The following DCDC2 variants were observed in gnomAD, a reference collection of about 807,000 sequenced individuals.
DCDC2 encodes doublecortin domain containing 2.
In DCDC2, 40 loss-of-function variants were observed where a neutral mutation model predicts 50.2. That is an observed-to-expected ratio of 0.80 (90% CI 0.62 to 1.04). DCDC2 has a LOEUF of 1.04. Among genes scored for constraint, DCDC2 ranks in the 50% least tolerant of loss-of-function variants. DCDC2 has a pLI of 0.00. For missense variants in DCDC2, 570 were observed against 581.9 expected (o/e 0.98, Z 0.21); for synonymous variants, 234 against 210.6 (o/e 1.11, Z -0.96).
At chr6:24,208,579 T>G (rs935500615) in intron 7 of DCDC2, among the ~76,000 whole-genome samples, 10 of 151,906 alleles carry the variant, frequency 6.6e-5, no homozygotes, top group African/African-American at 2.4e-4. Context: ...CCATGGTGGT[T>G]AGGCTGGTCT....
At chr6:24,218,130 C>G (rs964327741) in intron 7 of DCDC2, among the ~76,000 whole-genome samples, 1 of 152,010 alleles carries the variant, frequency 6.6e-6, no homozygotes, top group Non-Finnish European at 1.5e-5. Flanking sequence ...TACTCAGATA[C>G]AAAATGACTA....
At chr6:24,256,406 GTTA>G (rs1283346251) in intron 7 of DCDC2, among the ~76,000 whole-genome samples, 7 of 151,096 alleles carry the variant, frequency 4.6e-5, no homozygotes, top group Non-Finnish European at 7.4e-5. Context: ...TCATTTTTAT[GTTA>G]TTTTCTTAAA....
chr6:24,224,921 G>A (rs759034347), intron 7 of DCDC2, among the ~76,000 whole-genome samples: 3 of 152,158 alleles, frequency 2.0e-5, no homozygotes, highest in Non-Finnish European at 2.9e-5. Flanking sequence ...AAGGGACCAC[G>A]TCTTATTCAT....
At chr6:24,181,403 T>C (rs1029868680) in intron 8 of DCDC2, among the ~76,000 whole-genome samples, 3 of 152,090 alleles carry the variant, frequency 2.0e-5, no homozygotes, top group Admixed American at 1.3e-4. Flanking sequence ...ACAAGCTAAG[T>C]AAGGCACTGA....
intron 7 of DCDC2, among the ~76,000 whole-genome samples, chr6:24,242,236 C>G (rs796068447): frequency 1.3e-5 from 2 of 152,094 alleles, no homozygotes; most frequent in African/African-American, 2.4e-5. Context: ...TTTAGTGGCA[C>G]CTGCATTATC....
intron 2 of DCDC2, among the ~76,000 whole-genome samples, chr6:24,325,192 A>G (rs1339461211): frequency 9.9e-5 from 13 of 131,302 alleles, no homozygotes; most frequent in Non-Finnish European, 5.2e-5. Context: ...AGAGCACGAT[A>G]TCTACTTCCT....
At chr6:24,231,058 T>C (rs978982043) in intron 7 of DCDC2, among the ~76,000 whole-genome samples, 1 of 151,890 alleles carries the variant, frequency 6.6e-6, no homozygotes, top group Non-Finnish European at 1.5e-5. Context: ...AAGGCCCACG[T>C]TGTCTGCCCC....
At chr6:24,194,392 T>G (rs1271877927) in intron 8 of DCDC2, among the ~76,000 whole-genome samples, 1 of 152,188 alleles carries the variant, frequency 6.6e-6, no homozygotes, top group Non-Finnish European at 1.5e-5. Flanking sequence ...TAAAAACATT[T>G]TTCAATTCTC....
At chr6:24,184,210 A>G (rs1265072410) in intron 8 of DCDC2, among the ~76,000 whole-genome samples, 1 of 152,132 alleles carries the variant, frequency 6.6e-6, no homozygotes, top group Non-Finnish European at 1.5e-5. Flanking sequence ...AAGGACACTC[A>G]CGTGTACTTT....
chr6:24,252,479 G>A (rs1762814232), intron 7 of DCDC2, among the ~76,000 whole-genome samples: 1 of 152,124 alleles, frequency 6.6e-6, no homozygotes, highest in Non-Finnish European at 1.5e-5. Context: ...AGGGAAAAAG[G>A]GCGATGATTG....
At chr6:24,304,458 G>T (rs371433163) in intron 2 of DCDC2, among the ~76,000 whole-genome samples, 60 of 152,240 alleles carry the variant, frequency 3.9e-4, no homozygotes, top group African/African-American at 1.4e-3. Context: ...ACTCCAGCCT[G>T]GGCAACAAAG....
chr6:24,278,555 T>C (rs1168312311), intron 6 of DCDC2, among the ~76,000 whole-genome samples: 3 of 152,200 alleles, frequency 2.0e-5, no homozygotes, highest in African/African-American at 7.2e-5. Flanking sequence ...ACCACGTCAC[T>C]GTAGAGATCA....
chr6:24,361,815 A>C (rs1417669751), upstream of DCDC2, among the ~76,000 whole-genome samples: 4 of 152,194 alleles, frequency 2.6e-5, no homozygotes, highest in Admixed American at 2.6e-4. Context: ...AGCTGCCCGC[A>C]TCAAGTCTAT....
At chr6:24,226,305 G>A (rs1173180566) in intron 7 of DCDC2, among the ~76,000 whole-genome samples, 1 of 152,136 alleles carries the variant, frequency 6.6e-6, no homozygotes, top group East Asian at 1.9e-4. Flanking sequence ...CACAATAAAG[G>A]TGTGTACAAA....
chr6:24,182,052 A>C (rs75072371), intron 8 of DCDC2, among the ~76,000 whole-genome samples: 3,886 of 152,336 alleles, frequency 0.026, 76 homozygotes, highest in African/African-American at 0.055. Flanking sequence ...TGCCAACACC[A>C]TTCAGTAGGG....
chr6:24,308,743 G>GAAACA (rs1227389548), intron 2 of DCDC2, among the ~76,000 whole-genome samples: 2 of 152,056 alleles, frequency 1.3e-5, no homozygotes, highest in Non-Finnish European at 2.9e-5. Context: ...AAACTCTAAA[G>GAAACA]AAACAAAAGA....
the DCDC2 span, among the ~76,000 whole-genome samples, chr6:24,364,819 G>A: frequency 2.0e-5 from 3 of 151,806 alleles, no homozygotes; most frequent in Admixed American, 6.6e-5. Flanking sequence ...GCACAGCCAC[G>A]TGCAGAGGTG....
At chr6:24,184,307 T>C (rs572995981) in intron 8 of DCDC2, among the ~76,000 whole-genome samples, 187 of 152,270 alleles carry the variant, frequency 1.2e-3, no homozygotes, top group Non-Finnish European at 2.3e-3. Flanking sequence ...GCATGGTGGC[T>C]CACGCTTGTA....
At chr6:24,323,971 A>G (rs571395566) in intron 2 of DCDC2, among the ~76,000 whole-genome samples, 1 of 152,338 alleles carries the variant, frequency 6.6e-6, no homozygotes, top group East Asian at 1.9e-4. Context: ...GAAATCACTC[A>G]TGGGTTTTGT....
Sources: allele counts gnomAD v4.1 joint callset (sites outside exome capture counted in the v4.1 genomes callset), GRCh38; gene constraint gnomAD v4.1.1; transcripts MANE v1.5; gene names NCBI Gene and HGNC (gene_info 2026-07-23, HGNC 2026-07-21).